Variants in ME1 observed in about 807,000 individuals in gnomAD.
The protein encoded by ME1 is NADP-dependent malic enzyme.
A neutral mutation model predicts 66.4 loss-of-function variants in ME1; 74 were observed. That is an observed-to-expected ratio of 1.11 (90% CI 0.92 to 1.35). The LOEUF is 1.35. ME1 is among the 40% of genes most tolerant of loss of function. The pLI, the probability that ME1 is intolerant of heterozygous loss-of-function variation, is 0.00. For synonymous variants in ME1, 251 were observed against 235.6 expected, an observed-to-expected ratio of 1.07 and a Z score of -0.60; for missense variants, 750 against 694.1, an observed-to-expected ratio of 1.08 and a Z score of -0.90.
chr6:83,402,212 G>A (rs976132775), intron 2 of ME1, among the ~76,000 whole-genome samples: 11 of 152,190 alleles, frequency 7.2e-5, no homozygotes, highest in African/African-American at 2.7e-4. Flanking sequence ...ACCTTGCAAA[G>A]CTGAGGCAAG....
chr6:83,414,855 C>T (rs1770128977), intron 1 of ME1, among the ~76,000 whole-genome samples: 1 of 152,124 alleles, frequency 6.6e-6, no homozygotes. Flanking sequence ...ACTATTTTAT[C>T]ATAACAAGTT....
At position 83,413,992 on chromosome 6, in the gene ME1, T is replaced by C. The variant is rs1770103601; in HGVS notation, c.79-6091A>G. On this transcript the variant is annotated intron_variant, in intron 1 of 13. Coordinates refer to ENST00000369705, the MANE Select transcript of ME1 (RefSeq NM_002395.6). ...CAGGTATGGTGGTGCATGCCTGTGG[T>C]CCCAGCTACTCAAGAGGCTGAGGTG... is the stretch of plus-strand genomic sequence containing the variant. Among the ~76,000 whole-genome samples the C allele has an allele frequency of 1.3e-5, 2 of 151,452 alleles. 1 individual carries two copies. The highest frequency in any genetic ancestry group is 4.2e-4 in the South Asian group (2 of 4,798).
At position 83,379,022 on chromosome 6, in the gene ME1, T is replaced by C. The variant is rs149931651; in HGVS notation, c.362+19345A>G. 1.4e-4 allele frequency among the ~76,000 whole-genome samples: 21 copies of C among 152,314 alleles called. No individual in the cohort carries two copies. The East Asian group carries it at 4.0e-3, about 29-fold the overall frequency. ...TTACTTATTTATTATAGAAATGCTC[T>C]AATTACTTCCTTATTTTCAACACTA... On this transcript the variant is annotated intron_variant, in intron 3 of 13. Coordinates refer to ENST00000369705, the MANE Select transcript of ME1 (RefSeq NM_002395.6).
intron 3 of ME1, among the ~76,000 whole-genome samples, chr6:83,388,090 C>CGTTTTTTTTT (rs1561999489): frequency 1.8e-5 from 2 of 110,504 alleles, no homozygotes; most frequent in Admixed American, 2.2e-4. Context: ...TTCCTTCCTT[C>CGTTTTTTTTT]CTTTTTTTTT....
intron 1 of ME1, among the ~76,000 whole-genome samples, chr6:83,416,893 T>TAA (rs34223363): frequency 9.9e-4 from 123 of 123,928 alleles, no homozygotes; most frequent in Non-Finnish European, 1.6e-3. Context: ...GAGATTTGTC[T>TAA]AAAAAAAAAA....
At chr6:83,279,238 A>G (rs189272494) in intron 6 of ME1, among the ~76,000 whole-genome samples, 3 of 152,356 alleles carry the variant, frequency 2.0e-5, no homozygotes, top group South Asian at 2.1e-4. Flanking sequence ...TTAAAGGCAT[A>G]TCTCCCTAAG....
intron 6 of ME1, among the ~76,000 whole-genome samples, chr6:83,277,913 T>A (rs969158564): frequency 6.7e-6 from 1 of 149,796 alleles, no homozygotes; most frequent in African/African-American, 2.5e-5. Flanking sequence ...ATAATAATAA[T>A]AATAATAATA....
intron 6 of ME1, among the ~76,000 whole-genome samples, chr6:83,298,190 G>C (rs1381007171): frequency 6.6e-6 from 1 of 152,136 alleles, no homozygotes; most frequent in African/African-American, 2.4e-5. Context: ...TAGTGTAAAA[G>C]AGTTCCTATT....
At chr6:83,346,909 T>G (rs1442357955) in intron 4 of ME1, among the ~76,000 whole-genome samples, 1 of 151,956 alleles carries the variant, frequency 6.6e-6, no homozygotes, top group Admixed American at 6.6e-5. Context: ...ACTTAATGAA[T>G]TTTGTCTTTC....
intron 6 of ME1, among the ~76,000 whole-genome samples, chr6:83,297,356 A>G (rs1767618530): frequency 6.6e-6 from 1 of 152,250 alleles, no homozygotes; most frequent in African/African-American, 2.4e-5. Context: ...AAGAGGAAGA[A>G]TCAATATCAT....
At chr6:83,257,533 A>G (rs1158543861) in intron 6 of ME1, among the ~76,000 whole-genome samples, 1 of 152,184 alleles carries the variant, frequency 6.6e-6, no homozygotes, top group Non-Finnish European at 1.5e-5. Flanking sequence ...GCAACAATTT[A>G]AAAGTAAAAT....
chr6:83,216,418 C>G, intron 13 of ME1, 80 bp downstream of exon 13: 1 of 993,460 alleles, frequency 1.0e-6, no homozygotes, highest in Non-Finnish European at 1.6e-6. Flanking sequence ...TTCAAGGAAG[C>G]AGATTTTTAA....
At position 83,431,044 on chromosome 6, in the gene ME1, C is replaced by T. The variant is rs913525486; in HGVS notation, c.-90G>A. The T allele has an allele frequency of 1.3e-6, 1 of 782,718 alleles. No homozygotes were observed. Among genetic ancestry groups the T allele is most frequent in the Non-Finnish European group, 1.8e-6 (1 of 555,778 alleles). The allele number at this position is 782,718 out of a possible 1,614,324, so 48.5% of individuals were successfully genotyped here. On this transcript the variant is annotated 5_prime_UTR_variant, in exon 1 of 14. Transcript: ENST00000369705. ...GATGCTGCTGGGGTGACGGTGCTGA[C>T]TGCAGCTGTGGCGGCGGCGGCCGCA...
intron 3 of ME1, among the ~76,000 whole-genome samples, chr6:83,376,804 C>CAAAAAAAAAAAAAAAAAAAAAAAAAA (rs70987750): frequency 1.0e-4 from 9 of 87,104 alleles, no homozygotes; most frequent in African/African-American, 2.0e-4. Flanking sequence ...CCCTGTCTCA[C>CAAAAAAAAAAAAAAAAAAAAAAAAAA]AAAAAAAAAA....
intron 3 of ME1, among the ~76,000 whole-genome samples, chr6:83,382,185 C>T (rs373926326): frequency 6.6e-6 from 1 of 152,200 alleles, no homozygotes; most frequent in South Asian, 2.1e-4. Flanking sequence ...TCCTTCATAA[C>T]ACAAACAGTA....
At chr6:83,429,911 T>C (rs971720187) in intron 1 of ME1, among the ~76,000 whole-genome samples, 2 of 152,038 alleles carry the variant, frequency 1.3e-5, no homozygotes, top group African/African-American at 4.8e-5. Flanking sequence ...AAATAGGAAA[T>C]GTCCAAAGCG....
At chr6:83,402,602 A>C (rs1186383314) in intron 2 of ME1, among the ~76,000 whole-genome samples, 1 of 152,190 alleles carries the variant, frequency 6.6e-6, no homozygotes, top group Non-Finnish European at 1.5e-5. Context: ...CTAAACTGTT[A>C]CACTACAGTG....
intron 9 of ME1, among the ~76,000 whole-genome samples, chr6:83,237,382 A>AAAGG (rs58706135): frequency 0.014 from 1,643 of 117,016 alleles, 49 homozygotes; most frequent in African/African-American, 0.031. Flanking sequence ...AAAAGGAAGG[A>AAAGG]AAGGAAGGAA....
At chr6:83,261,033 C>T (rs1215404805) in intron 6 of ME1, among the ~76,000 whole-genome samples, 1 of 152,152 alleles carries the variant, frequency 6.6e-6, no homozygotes, top group Admixed American at 6.5e-5. Flanking sequence ...TGAGGAATCT[C>T]CATACTGCTT....
Sources: gnomAD v4.1 joint callset for allele counts (sites outside exome capture counted in the v4.1 genomes callset) on GRCh38, gnomAD v4.1.1 for gene constraint, MANE v1.5 for transcripts, NCBI Gene and HGNC (gene_info 2026-07-23, HGNC 2026-07-21) for gene names.